Variants in XPNPEP1 observed in about 807,000 individuals in gnomAD.
XPNPEP1 encodes X-prolyl aminopeptidase 1.
XPNPEP1 carries 39 observed loss-of-function variants against 92.4 expected under a neutral mutation model. That is an observed-to-expected ratio of 0.42 (90% CI 0.33 to 0.55). The LOEUF (loss-of-function observed/expected upper bound fraction) is 0.55. XPNPEP1 is among the 20% of genes least tolerant of loss of function. XPNPEP1 has a pLI of 0.08. For synonymous variants in XPNPEP1, 307 were observed against 299.4 expected (o/e 1.03, Z -0.26); for missense variants, 654 against 856.1 (o/e 0.76, Z 2.95).
chr10:109,914,154 T>A (rs1407299454), intron 2 of XPNPEP1, among the ~76,000 whole-genome samples: 1 of 151,278 alleles, frequency 6.6e-6, no homozygotes, highest in South Asian at 2.1e-4. Flanking sequence ...GGGATAGAAA[T>A]ACAGTAATAC....
chr10:109,879,738 AC>A (rs1183828242), intron 12 of XPNPEP1, among the ~76,000 whole-genome samples: 1 of 152,200 alleles, frequency 6.6e-6, no homozygotes, highest in African/African-American at 2.4e-5. Flanking sequence ...TTGTTTAATA[AC>A]ACCACAGAGA....
At chr10:109,883,893 A>G in intron 9 of XPNPEP1, 174 bp downstream of exon 9, 1 of 597,000 alleles carries the variant, frequency 1.7e-6, no homozygotes, top group Non-Finnish European at 2.9e-6. Flanking sequence ...GAGGCAGGAT[A>G]TAAATAAACA....
At chr10:109,877,682 CA>C (rs1847857950) in intron 14 of XPNPEP1, 107 bp downstream of exon 14, 1 of 1,290,266 alleles carries the variant, frequency 7.8e-7, no homozygotes, top group African/African-American at 1.5e-5. Context: ...TCTCAACAGA[CA>C]GATGAAGGTG....
chr10:109,873,314 GC>G (rs1443489979), intron 16 of XPNPEP1, 52 bp downstream of exon 16: 28 of 1,589,148 alleles, frequency 1.8e-5, no homozygotes, highest in Middle Eastern at 1.7e-4. Flanking sequence ...TAAAAGCAAT[GC>G]TCTTCTTAAG....
rs944397420 is a variant in XPNPEP1 at position 109,877,770 on chromosome 10, T to A, written c.1319+20A>T. ...GCAGAAGCAGCAAGGCCAGGCAGCA[T>A]GCTCCTCCGCATGCCTTACGCGTAG... On this transcript the variant is annotated intron_variant, in intron 14 of 20. Transcript: ENST00000502935. 1 of 1,614,172 alleles carries A rather than the reference T, an allele frequency of 6.2e-7. No homozygotes were observed. The highest frequency in any genetic ancestry group is 8.5e-7 in the Non-Finnish European group (1 of 1,180,020).
chr10:109,905,930 A>G (rs955170359), intron 3 of XPNPEP1, among the ~76,000 whole-genome samples: 2 of 152,120 alleles, frequency 1.3e-5, no homozygotes, highest in South Asian at 4.1e-4. Flanking sequence ...CAAGCCCTTC[A>G]TTTGCTCCTA....
intron 17 of XPNPEP1, 112 bp downstream of exon 17, chr10:109,871,680 T>TA (rs1373396388): frequency 8.1e-7 from 1 of 1,234,674 alleles, no homozygotes; most frequent in African/African-American, 1.5e-5. Context: ...GGGCCTGAAG[T>TA]GGGATGGGGA....
chr10:109,870,490 A>G (rs1057137809), intron 18 of XPNPEP1, among the ~76,000 whole-genome samples: 4 of 152,240 alleles, frequency 2.6e-5, no homozygotes, highest in Non-Finnish European at 4.4e-5. Flanking sequence ...CTAATACAGT[A>G]AAACACTAAG....
chr10:109,874,449 G>C (rs966316482), intron 15 of XPNPEP1, among the ~76,000 whole-genome samples: 18 of 152,164 alleles, frequency 1.2e-4, no homozygotes, highest in African/African-American at 4.1e-4. Flanking sequence ...GACATAGAAA[G>C]GATAACTTCT....
intron 2 of XPNPEP1, 118 bp from the exon 3 acceptor site, chr10:109,907,933 C>T (rs961936144): frequency 1.2e-5 from 17 of 1,465,848 alleles, no homozygotes; most frequent in Non-Finnish European, 1.6e-5. Context: ...CCAGTTAGGT[C>T]TTCAAATTGA....
chr10:109,904,803 C>T (rs1849467463), intron 3 of XPNPEP1, among the ~76,000 whole-genome samples: 1 of 152,162 alleles, frequency 6.6e-6, no homozygotes, highest in Non-Finnish European at 1.5e-5. Flanking sequence ...TGCTGTGTAC[C>T]ATTGGTGGGA....
intron 3 of XPNPEP1, among the ~76,000 whole-genome samples, chr10:109,904,872 A>G (rs926270775): frequency 3.9e-5 from 6 of 152,232 alleles, no homozygotes; most frequent in African/African-American, 1.4e-4. Context: ...AAAATTAAAA[A>G]TAGAAGGATC....
intron 3 of XPNPEP1, among the ~76,000 whole-genome samples, chr10:109,899,178 T>C (rs1288114460): frequency 1.3e-5 from 2 of 152,212 alleles, no homozygotes; most frequent in African/African-American, 4.8e-5. Flanking sequence ...TGTCCAAAGA[T>C]TTGTGCTCCT....
At chr10:109,909,125 G>C (rs1228079867) in intron 2 of XPNPEP1, among the ~76,000 whole-genome samples, 1 of 152,136 alleles carries the variant, frequency 6.6e-6, no homozygotes, top group Admixed American at 6.5e-5. Flanking sequence ...AAAAAAGTTA[G>C]CCAGGCGTGG....
chr10:109,888,301 C>T, intron 6 of XPNPEP1, 109 bp from the exon 7 acceptor site: 2 of 1,457,518 alleles, frequency 1.4e-6, no homozygotes. Flanking sequence ...CTGCCATGGC[C>T]CAGAGCTGGG....
At chr10:109,866,920 G>A (rs942312742) in intron 20 of XPNPEP1, among the ~76,000 whole-genome samples, 2 of 152,188 alleles carry the variant, frequency 1.3e-5, no homozygotes, top group South Asian at 2.1e-4. Context: ...CCAATGTCAC[G>A]GGAGTAGACT....
chr10:109,916,930 T>G (rs1177025699), intron 1 of XPNPEP1, among the ~76,000 whole-genome samples: 1 of 152,168 alleles, frequency 6.6e-6, no homozygotes, highest in Non-Finnish European at 1.5e-5. Flanking sequence ...CAATGCCCCT[T>G]CAAGTTAAAA....
At chr10:109,891,858 A>G (rs767039240) in intron 4 of XPNPEP1, 32 bp from the exon 5 acceptor site, 45 of 1,604,066 alleles carry the variant, frequency 2.8e-5, no homozygotes, top group South Asian at 2.8e-4. Flanking sequence ...AAAGAAGAAG[A>G]AAGGTTTCTA....
Position 109,870,870 on chromosome 10 carries a change from T to C in XPNPEP1, c.1557A>G (p.Leu519=). The C allele has an allele frequency of 1.2e-6, 2 of 1,613,968 alleles. No homozygotes were observed. Among genetic ancestry groups the C allele is most frequent in the Non-Finnish European group, 8.5e-7 (1 of 1,179,970 alleles). Residue 519 remains leucine, a synonymous_variant, in exon 18 of 21, where the codon TTA becomes TTG. Transcript: ENST00000502935. ...GCAAGTAATCTAGGCCTGAATCCCATAAAGCTGAACGGGCAAAGGAGTCAA... is the reference window on the plus strand; with the variant it reads ...GCAAGTAATCTAGGCCTGAATCCCACAAAGCTGAACGGGCAAAGGAGTCAA... ...HLLDSFARSA[L]WDSGLDYLHG...
Sources: gnomAD v4.1 joint callset for allele counts (sites outside exome capture counted in the v4.1 genomes callset) on GRCh38, gnomAD v4.1.1 for gene constraint, MANE v1.5 for transcripts, NCBI Gene and HGNC (gene_info 2026-07-23, HGNC 2026-07-21) for gene names.